The following GALNTL6 variants were observed in gnomAD, a reference collection of about 807,000 sequenced individuals.
GALNTL6 encodes polypeptide N-acetylgalactosaminyltransferase like 6.
Under a neutral mutation model 73.7 loss-of-function variants are expected in GALNTL6, and 46 were observed. The ratio of observed to expected loss-of-function variants is 0.62; its 90% CI spans 0.49 to 0.80. The LOEUF (loss-of-function observed/expected upper bound fraction) is 0.80, where lower values mean the gene tolerates loss of function less well. Among genes scored for constraint, GALNTL6 ranks in the 30% least tolerant of loss-of-function variants. The pLI is 0.00. For synonymous variants in GALNTL6, 259 were observed against 263.7 expected (o/e 0.98, Z 0.17); for missense variants, 604 against 755.0 (o/e 0.80, Z 2.34).
At chr4:172,962,535 A>G (rs879626185) in intron 10 of GALNTL6, among the ~76,000 whole-genome samples, 1 of 152,170 alleles carries the variant, frequency 6.6e-6, no homozygotes, top group Non-Finnish European at 1.5e-5. Context: ...GTAATAAGTC[A>G]ATTATTATTT....
chr4:172,848,846 T>C (rs1743654161), intron 7 of GALNTL6, among the ~76,000 whole-genome samples: 1 of 152,188 alleles, frequency 6.6e-6, no homozygotes, highest in Non-Finnish European at 1.5e-5. Context: ...GGACATGGTT[T>C]GCCACTCTAG....
chr4:172,599,444 T>G (rs574325357), intron 5 of GALNTL6, among the ~76,000 whole-genome samples: 1 of 152,326 alleles, frequency 6.6e-6, no homozygotes, highest in African/African-American at 2.4e-5. Flanking sequence ...AATGTATTGC[T>G]GAGTTAAGAA....
At chr4:171,902,909 G>T (rs1221872422) in intron 2 of GALNTL6, among the ~76,000 whole-genome samples, 1 of 152,142 alleles carries the variant, frequency 6.6e-6, no homozygotes, top group South Asian at 2.1e-4. Flanking sequence ...TATAGTTACT[G>T]GTATTGTTCT....
chr4:172,051,460 C>G (rs1408164302), intron 2 of GALNTL6, among the ~76,000 whole-genome samples: 1 of 152,004 alleles, frequency 6.6e-6, no homozygotes, highest in South Asian at 2.1e-4. Flanking sequence ...TGCATTGGCT[C>G]TCAGTGGGAT....
intron 2 of GALNTL6, among the ~76,000 whole-genome samples, chr4:172,049,999 A>G (rs918082052): frequency 6.3e-5 from 1 of 15,838 alleles, no homozygotes; most frequent in African/African-American, 1.2e-4. Flanking sequence ...GAAAAAGAAG[A>G]AGGAAAAAGA....
In GALNTL6 at chr4:172,493,794, A is replaced by G. The variant is rs74802001; in HGVS notation, c.553+145105A>G. On this transcript the variant is annotated intron_variant, in intron 5 of 12. Coordinates refer to ENST00000506823, the MANE Select transcript of GALNTL6 (RefSeq NM_001034845.3). ...AATTATTTGATTAATGTTAGAACCT[A>G]TATTAAGGGCATTAATAGCTTTTTA... is the stretch of plus-strand genomic sequence containing the variant. 1.8e-4 allele frequency among the ~76,000 whole-genome samples: 27 copies of G among 152,330 alleles called. 1 individual carries two copies. The East Asian group carries it at 4.6e-3, about 26-fold the overall frequency.
intron 5 of GALNTL6, among the ~76,000 whole-genome samples, chr4:172,522,252 A>G (rs1011731076): frequency 1.3e-5 from 2 of 152,234 alleles, no homozygotes; most frequent in African/African-American, 4.8e-5. Context: ...ACTTTTCACA[A>G]TAAAAGTAAT....
chr4:172,862,426 C>A (rs900374630), intron 7 of GALNTL6, among the ~76,000 whole-genome samples: 40 of 152,032 alleles, frequency 2.6e-4, no homozygotes, highest in African/African-American at 7.7e-4. Flanking sequence ...AAATTTGCAG[C>A]CTGACAATGG....
chr4:172,546,252 C>A (rs338000), intron 5 of GALNTL6, among the ~76,000 whole-genome samples: 4 of 152,152 alleles, frequency 2.6e-5, no homozygotes, highest in Non-Finnish European at 4.4e-5. Context: ...TGTGTTTTAC[C>A]AGAGGACAGA....
chr4:171,946,714 G>A (rs1738712119), intron 2 of GALNTL6, among the ~76,000 whole-genome samples: 1 of 152,132 alleles, frequency 6.6e-6, no homozygotes, highest in Admixed American at 6.5e-5. Flanking sequence ...CCAATGCCAT[G>A]AGTAGAATGG....
At chr4:172,683,336 T>C (rs958792828) in intron 5 of GALNTL6, among the ~76,000 whole-genome samples, 3 of 152,250 alleles carry the variant, frequency 2.0e-5, no homozygotes, top group African/African-American at 7.2e-5. Context: ...CTTCTATGCA[T>C]GTGCTTCCCT....
At chr4:171,841,603 A>C (rs1735240667) in intron 2 of GALNTL6, among the ~76,000 whole-genome samples, 1 of 152,128 alleles carries the variant, frequency 6.6e-6, no homozygotes, top group East Asian at 1.9e-4. Flanking sequence ...GAAGAACTTA[A>C]GAAATACTAA....
intron 5 of GALNTL6, among the ~76,000 whole-genome samples, chr4:172,526,332 C>A (rs1160737197): frequency 6.6e-6 from 1 of 152,188 alleles, no homozygotes; most frequent in Non-Finnish European, 1.5e-5. Flanking sequence ...TCTATCCTCA[C>A]GGCTTACAGA....
chr4:172,485,474 C>T (rs1733633538), intron 5 of GALNTL6, among the ~76,000 whole-genome samples: 1 of 152,006 alleles, frequency 6.6e-6, no homozygotes, highest in Non-Finnish European at 1.5e-5. Context: ...TTTTACACAT[C>T]TAAGTATATG....
intron 2 of GALNTL6, among the ~76,000 whole-genome samples, chr4:172,040,646 G>A (rs768746241): frequency 5.3e-5 from 8 of 151,938 alleles, no homozygotes; most frequent in African/African-American, 9.7e-5. Context: ...TAATTCTTAC[G>A]ATGACGCTTC....
intron 8 of GALNTL6, among the ~76,000 whole-genome samples, chr4:172,925,922 C>A (rs1748034714): frequency 6.6e-6 from 1 of 152,190 alleles, no homozygotes; most frequent in Non-Finnish European, 1.5e-5. Flanking sequence ...GAGTGACCCT[C>A]TGAGAATAAT....
chr4:172,989,096 A>G (rs1751428208), intron 10 of GALNTL6, among the ~76,000 whole-genome samples: 1 of 152,204 alleles, frequency 6.6e-6, no homozygotes, highest in South Asian at 2.1e-4. Context: ...CTAGACATCA[A>G]AATGGTAGAT....
At chr4:172,864,507 G>A (rs1744562688) in intron 7 of GALNTL6, among the ~76,000 whole-genome samples, 1 of 152,194 alleles carries the variant, frequency 6.6e-6, no homozygotes, top group African/African-American at 2.4e-5. Context: ...TATTTAGAAG[G>A]TGGCATAAGA....
chr4:172,422,896 G>C lies in GALNTL6; in HGVS notation c.553+74207G>C, dbSNP rs578053801. Among the ~76,000 whole-genome samples the C allele has an allele frequency of 6.0e-5, 9 of 151,226 alleles. No homozygotes were observed. In the South Asian group the frequency reaches 1.7e-3, roughly 28 times the overall value. On this transcript the variant is annotated intron_variant, in intron 5 of 12. Transcript: ENST00000506823. The stretch of plus-strand genomic sequence containing the variant: ...CATTCCACACTTATTTCCGGATTAA[G>C]TGTAGGATGTACAATAGAGGGAAGA...
Sources: allele counts gnomAD v4.1 joint callset (sites outside exome capture counted in the v4.1 genomes callset), GRCh38; gene constraint gnomAD v4.1.1; transcripts MANE v1.5; gene names NCBI Gene and HGNC (gene_info 2026-07-23, HGNC 2026-07-21).